Variants in KCTD8 observed in about 807,000 individuals in gnomAD.
The protein encoded by KCTD8 is potassium channel tetramerization domain containing 8.
KCTD8 carries 27 observed loss-of-function variants against 31.5 expected under a neutral mutation model. The ratio of observed to expected loss-of-function variants is 0.86; its 90% CI spans 0.63 to 1.18. The LOEUF is 1.18. KCTD8 is among the 50% of genes most tolerant of loss of function. The pLI is 0.00. For synonymous variants in KCTD8, 290 were observed against 280.0 expected (o/e 1.04, Z -0.36); for missense variants, 658 against 647.7 (o/e 1.02, Z -0.17).
chr4:44,354,459 G>T (rs1222750167), intron 1 of KCTD8, among the ~76,000 whole-genome samples: 1 of 151,998 alleles, frequency 6.6e-6, no homozygotes, highest in Non-Finnish European at 1.5e-5. Flanking sequence ...CATTTTCAGA[G>T]GCTTACCTCC....
rs185991273 is a variant in KCTD8 at position 44,260,227 on chromosome 4, T to C, written c.962-84977A>G. Among the ~76,000 whole-genome samples the C allele has an allele frequency of 3.2e-4, 49 of 151,936 alleles. 1 individual carries two copies. The East Asian group carries it at 7.0e-3, about 22-fold the overall frequency. ...TTGAATATCTTCTAGGAAATATATG[T>C]GATATTTTCTAGGAAATATTCTAGG... On this transcript the variant is annotated intron_variant, in intron 1 of 1. Transcript: ENST00000360029.
At chr4:44,437,527 T>A (rs1468784833) in intron 1 of KCTD8, among the ~76,000 whole-genome samples, 3 of 152,170 alleles carry the variant, frequency 2.0e-5, no homozygotes, top group African/African-American at 7.2e-5. Context: ...AGTTTGATAG[T>A]TTTTATGTTT....
chr4:44,401,871 T>C (rs1720673444), intron 1 of KCTD8, among the ~76,000 whole-genome samples: 1 of 152,186 alleles, frequency 6.6e-6, no homozygotes, highest in Non-Finnish European at 1.5e-5. Context: ...TATTATGGCA[T>C]CAAATAAATG....
chr4:44,384,703 C>A (rs1394903663), intron 1 of KCTD8, among the ~76,000 whole-genome samples: 1 of 151,710 alleles, frequency 6.6e-6, no homozygotes, highest in Non-Finnish European at 1.5e-5. Flanking sequence ...GGAACACATT[C>A]TAGTTACAGT....
Position 44,352,541 on chromosome 4 carries a change from AT to A in KCTD8, c.961+95021del, listed in dbSNP as rs200320588. Reference sequence around the variant, plus strand: ...TTTATATATTTTATATACTATTTATATTTTTGTATATTATATATTAAAATTA... The same window carrying A: ...TTTATATATTTTATATACTATTTATATTTTGTATATTATATATTAAAATTA... On this transcript the variant is annotated intron_variant, in intron 1 of 1. Transcript: ENST00000360029. Among the ~76,000 whole-genome samples, 824 of 147,636 alleles carry A rather than the reference AT, an allele frequency of 5.6e-3. 12 individuals are homozygous for A. Among genetic ancestry groups the A allele is most frequent in the African/African-American group, 0.019 (766 of 40,890 alleles).
chr4:44,360,494 A>C (rs1044582647), intron 1 of KCTD8, among the ~76,000 whole-genome samples: 5 of 152,050 alleles, frequency 3.3e-5, no homozygotes, highest in African/African-American at 1.2e-4. Flanking sequence ...CAACAATTAT[A>C]CTAATGGATG....
intron 1 of KCTD8, among the ~76,000 whole-genome samples, chr4:44,277,778 T>A (rs1716794191): frequency 6.6e-6 from 1 of 151,928 alleles, no homozygotes; most frequent in Admixed American, 6.6e-5. Context: ...AGAACCATTT[T>A]TAAAGATAAA....
At chr4:44,262,865 T>C (rs941408125) in intron 1 of KCTD8, among the ~76,000 whole-genome samples, 56 of 152,158 alleles carry the variant, frequency 3.7e-4, no homozygotes, top group Non-Finnish European at 5.6e-4. Context: ...ATTAATATTC[T>C]GTACTCTCAA....
At chr4:44,293,723 G>C in intron 1 of KCTD8, 1 of 431,372 alleles carries the variant, frequency 2.3e-6, no homozygotes, top group Non-Finnish European at 4.6e-6. Context: ...TGTAAACACT[G>C]GCCAAAAAAT....
intron 1 of KCTD8, among the ~76,000 whole-genome samples, chr4:44,266,121 AAATGTT>A (rs1470770952): frequency 6.6e-6 from 1 of 152,152 alleles, no homozygotes; most frequent in Non-Finnish European, 1.5e-5. Flanking sequence ...ATGAAGGAAA[AAATGTT>A]AAGAGCAGCC....
chr4:44,412,589 G>A (rs1720988941), intron 1 of KCTD8, among the ~76,000 whole-genome samples: 1 of 152,138 alleles, frequency 6.6e-6, no homozygotes, highest in Non-Finnish European at 1.5e-5. Flanking sequence ...TACTAGGAGA[G>A]AGCATTAAGC....
chr4:44,199,858 A>C (rs2109338683), intron 1 of KCTD8, among the ~76,000 whole-genome samples: 1 of 152,068 alleles, frequency 6.6e-6, no homozygotes, highest in South Asian at 2.1e-4. Flanking sequence ...GATCAATGAA[A>C]CCGAGACTTG....
intron 1 of KCTD8, among the ~76,000 whole-genome samples, chr4:44,379,968 A>C (rs1393788418): frequency 6.6e-6 from 1 of 152,040 alleles, no homozygotes; most frequent in African/African-American, 2.4e-5. Flanking sequence ...ATAATATTTT[A>C]TATTTGCCTT....
intron 1 of KCTD8, among the ~76,000 whole-genome samples, chr4:44,239,997 A>T (rs1715401290): frequency 6.6e-6 from 1 of 152,180 alleles, no homozygotes; most frequent in Admixed American, 6.5e-5. Context: ...GGATTTAGTG[A>T]TAAAGAAATC....
intron 1 of KCTD8, among the ~76,000 whole-genome samples, chr4:44,235,983 T>C (rs1715279708): frequency 6.6e-6 from 1 of 152,010 alleles, no homozygotes; most frequent in African/African-American, 2.4e-5. Context: ...CAACAAGAGA[T>C]GATGAAACAC....
chr4:44,280,342 C>T (rs1373909122), intron 1 of KCTD8, among the ~76,000 whole-genome samples: 1 of 152,066 alleles, frequency 6.6e-6, no homozygotes, highest in African/African-American at 2.4e-5. Flanking sequence ...CTCTGGGTAT[C>T]TTTTCAATCA....
intron 1 of KCTD8, among the ~76,000 whole-genome samples, chr4:44,417,421 C>T (rs918431931): frequency 1.3e-5 from 2 of 151,928 alleles, no homozygotes; most frequent in Non-Finnish European, 2.9e-5. Context: ...TCTTTGAAGA[C>T]GATTTTGAAA....
At chr4:44,264,172 A>G (rs1211522403) in intron 1 of KCTD8, among the ~76,000 whole-genome samples, 1 of 150,602 alleles carries the variant, frequency 6.6e-6, no homozygotes, top group Non-Finnish European at 1.5e-5. Flanking sequence ...AATAATTGTT[A>G]TTAGTCCTAA....
At chr4:44,312,552 GAACT>G (rs886466150) in intron 1 of KCTD8, among the ~76,000 whole-genome samples, 24 of 152,130 alleles carry the variant, frequency 1.6e-4, no homozygotes, top group Non-Finnish European at 2.6e-4. Flanking sequence ...TATGAATACA[GAACT>G]AACTTCTGTA....
Sources: gnomAD v4.1 joint callset for allele counts (sites outside exome capture counted in the v4.1 genomes callset) on GRCh38, gnomAD v4.1.1 for gene constraint, MANE v1.5 for transcripts, NCBI Gene and HGNC (gene_info 2026-07-23, HGNC 2026-07-21) for gene names.